The following CAPN2 variants were observed in gnomAD, a reference collection of about 807,000 sequenced individuals.
CAPN2 encodes the protein calpain 2, also known as calpain-2 catalytic subunit.
CAPN2 carries 92 observed loss-of-function variants against 102.3 expected under a neutral mutation model. The ratio of observed to expected loss-of-function variants is 0.90; its 90% CI spans 0.76 to 1.07. CAPN2 has a LOEUF of 1.07. Ranked by LOEUF, CAPN2 falls within the 50% of genes least tolerant of loss-of-function variation. CAPN2 has a pLI of 0.00. For missense variants in CAPN2, 800 were observed against 909.4 expected (o/e 0.88, Z 1.55); for synonymous variants, 340 against 355.4 (o/e 0.96, Z 0.49).
Position 223,744,108 on chromosome 1 carries a change from T to C in CAPN2, c.316T>C (p.Trp106Arg). 2 of 1,612,266 alleles carry C rather than the reference T, an allele frequency of 1.2e-6. No homozygotes were observed. Among genetic ancestry groups the C allele is most frequent in the South Asian group, 1.1e-5 (1 of 91,058 alleles). ...DICQGALGDC[W>R]LLAAIASLTL... ...TTGTGCTGTGTTCACAGGTGACTGC[T>C]GGCTGCTGGCAGCCATTGCCTCCCT... is the stretch of plus-strand genomic sequence containing the variant. Residue 106 changes from tryptophan (W) to arginine (R), a missense_variant, in exon 3 of 21, where the codon TGG (tryptophan) becomes CGG (arginine). Coordinates refer to ENST00000295006, the MANE Select transcript of CAPN2 (RefSeq NM_001748.5).
chr1:223,758,895 C>T (rs1661112594), intron 11 of CAPN2: 1 of 295,616 alleles, frequency 3.4e-6, no homozygotes, highest in South Asian at 3.4e-5. Flanking sequence ...GGTCTCACTA[C>T]ATTGCCCAGG....
In CAPN2 at chr1:223,747,004, G is replaced by A. The variant is rs541384226; in HGVS notation, c.568G>A (p.Gly190Arg). 78 of 1,613,346 alleles carry A rather than the reference G, an allele frequency of 4.8e-5. 1 individual carries two copies. The South Asian group carries it at 7.4e-4, about 15-fold the overall frequency. The change falls in exon 5 of 21, where the codon GGA becomes AGA. Residue 190 changes from glycine (G) to arginine (R), a missense_variant. Gly to Arg is a moderately radical substitution (Grantham distance 125). Coordinates refer to ENST00000295006, the MANE Select transcript of CAPN2 (RefSeq NM_001748.5). The stretch of plus-strand genomic sequence containing the variant: ...TCTAATCCCCTCTTGTAGGATCAAC[G>A]GATGCTATGAAGCGCTATCAGGGGG... ...LLEKAYAKIN[G>R]CYEALSGGAT...
chr1:223,748,924 G>A (rs1660817781), intron 5 of CAPN2, 115 bp from the exon 6 acceptor site: 4 of 914,896 alleles, frequency 4.4e-6, no homozygotes, highest in East Asian at 5.2e-5. Context: ...CCCAGGCCTC[G>A]GCCGCTGCGC....
Position 223,742,600 on chromosome 1 carries a change from G to A in CAPN2, c.308-1500G>A, listed in dbSNP as rs114826808. Among the ~76,000 whole-genome samples, 495 of 148,162 alleles carry A rather than the reference G, an allele frequency of 3.3e-3. 3 individuals carry two copies. Among genetic ancestry groups the A allele is most frequent in the African/African-American group, 0.01 (411 of 40,256 alleles). On this transcript the variant is annotated intron_variant, in intron 2 of 20. Coordinates refer to ENST00000295006, the MANE Select transcript of CAPN2 (RefSeq NM_001748.5). ...AGTGGCATGATCACATCTCACTGCAGCCTCCACCTCCTGAGCTCAAATAGT... is the reference window on the plus strand; with the variant it reads ...AGTGGCATGATCACATCTCACTGCAACCTCCACCTCCTGAGCTCAAATAGT...
chr1:223,767,461 T>G (rs1447406089), intron 16 of CAPN2, among the ~76,000 whole-genome samples: 2 of 148,326 alleles, frequency 1.3e-5, no homozygotes, highest in East Asian at 4.0e-4. Context: ...GTTCTTGCGA[T>G]AGTTTACTGA....
intron 1 of CAPN2, among the ~76,000 whole-genome samples, chr1:223,716,005 A>G (rs1299188401): frequency 6.6e-6 from 1 of 152,204 alleles, no homozygotes; most frequent in Non-Finnish European, 1.5e-5. Flanking sequence ...GAGACTTCAA[A>G]AGGTTAAGTG....
intron 6 of CAPN2, among the ~76,000 whole-genome samples, chr1:223,750,301 G>A (rs1175500695): frequency 1.3e-5 from 2 of 152,150 alleles, no homozygotes; most frequent in Non-Finnish European, 2.9e-5. Flanking sequence ...AGTTGCAGAC[G>A]TTATGACACT....
At position 223,727,538 on chromosome 1, in the gene CAPN2, C is replaced by T. The variant is rs994737097; in HGVS notation, c.307+9707C>T. 6.6e-6 allele frequency among the ~76,000 whole-genome samples: 1 copy of T among 152,136 alleles called. No individual in the cohort carries two copies. The highest frequency in any genetic ancestry group is 1.9e-4 in the East Asian group (1 of 5,188). On this transcript the variant is annotated intron_variant, in intron 2 of 20. Coordinates refer to ENST00000295006, the MANE Select transcript of CAPN2 (RefSeq NM_001748.5). This position sits in a 1 kb window ranked among gnomAD's most constrained non-coding sequence, Gnocchi z 4.1. ...GGTACTGTGGGGGTCACTGGGCACACAGAATGCCATTTGGGGAGCCTGGTG... is the reference window on the plus strand; with the variant it reads ...GGTACTGTGGGGGTCACTGGGCACATAGAATGCCATTTGGGGAGCCTGGTG...
chr1:223,715,367 G>A (rs1445966174), intron 1 of CAPN2, among the ~76,000 whole-genome samples: 1 of 152,164 alleles, frequency 6.6e-6, no homozygotes, highest in Non-Finnish European at 1.5e-5. Flanking sequence ...TTGAGAGCCT[G>A]TGTTTTTTTC....
intron 1 of CAPN2, among the ~76,000 whole-genome samples, chr1:223,707,103 G>C (rs1037469288): frequency 1.4e-5 from 2 of 146,656 alleles, no homozygotes; most frequent in Non-Finnish European, 3.0e-5. Flanking sequence ...AAAAAATCCA[G>C]AACCTGCAGA....
At chr1:223,724,724 C>T (rs1660143738) in intron 2 of CAPN2, among the ~76,000 whole-genome samples, 1 of 152,166 alleles carries the variant, frequency 6.6e-6, no homozygotes, top group Non-Finnish European at 1.5e-5. Flanking sequence ...AATCCCAACA[C>T]TTTGGGAGGC....
chr1:223,748,011 G>C (rs1434648543), intron 5 of CAPN2, among the ~76,000 whole-genome samples: 1 of 151,924 alleles, frequency 6.6e-6, no homozygotes, highest in East Asian at 1.9e-4. Context: ...AGCCTGCTCT[G>C]AATCACCCCC....
chr1:223,738,704 C>G (rs1222141), intron 2 of CAPN2, among the ~76,000 whole-genome samples: 117,989 of 152,222 alleles, frequency 0.78, 48,295 homozygotes, highest in South Asian at 0.94. Context: ...CACACTGTTG[C>G]AAACAGACAG....
rs764519949 is a variant in CAPN2, at chr1:223,755,443, C to T, written c.1136-37C>T. 1 of 1,611,044 alleles carries T rather than the reference C, an allele frequency of 6.2e-7. No homozygotes were observed. Among genetic ancestry groups the T allele is most frequent in the Non-Finnish European group, 8.5e-7 (1 of 1,178,550 alleles). ...CACCCCCCACCCCCATGCATTCCTGCTCAGGGCTGGGCTCCTCTGCCCCTT... is the reference window on the plus strand; with the variant it reads ...CACCCCCCACCCCCATGCATTCCTGTTCAGGGCTGGGCTCCTCTGCCCCTT... On this transcript the variant is annotated intron_variant, in intron 9 of 20. Transcript: ENST00000295006. The surrounding 1 kb of genome is among the most constrained non-coding windows in gnomAD (Gnocchi z 4.1).
chr1:223,743,868 T>C (rs1294240261), intron 2 of CAPN2, among the ~76,000 whole-genome samples: 1 of 152,202 alleles, frequency 6.6e-6, no homozygotes, highest in Non-Finnish European at 1.5e-5. Flanking sequence ...ATTTCTCCCT[T>C]TGCATTTCCC....
At position 223,754,288 on chromosome 1, in the gene CAPN2, G is replaced by A. The variant is rs1001905906; in HGVS notation, c.1136-1192G>A. ...TGGGGCTCGGACTCCTTCACCTCAA[G>A]TATGCAGCCACCAAGTGGCAGTCCC... is the stretch of plus-strand genomic sequence containing the variant. On this transcript the variant is annotated intron_variant, in intron 9 of 20. Coordinates refer to ENST00000295006, the MANE Select transcript of CAPN2 (RefSeq NM_001748.5). This position sits in a 1 kb window ranked among gnomAD's most constrained non-coding sequence, Gnocchi z 4.7. Among the ~76,000 whole-genome samples, 1 of 152,226 alleles carries A rather than the reference G, an allele frequency of 6.6e-6. No individual in the cohort carries two copies. The highest frequency in any genetic ancestry group is 1.5e-5 in the Non-Finnish European group (1 of 68,044).
Position 223,770,474 on chromosome 1 carries a change from A to C in CAPN2, c.1852A>C (p.Arg618=), listed in dbSNP as rs746809519. 6.2e-7 allele frequency: 1 copy of C among 1,613,850 alleles called. No homozygotes were observed. Among genetic ancestry groups the C allele is most frequent in the Non-Finnish European group, 8.5e-7 (1 of 1,179,828 alleles). Residue 618 remains arginine (R), a synonymous_variant, in exon 18 of 21, where the codon AGG becomes CGG. Coordinates refer to ENST00000295006, the MANE Select transcript of CAPN2 (RefSeq NM_001748.5). ...QKIYREIDVD[R]SGTMNSYEMR... ...AATTTACCGAGAAATCGACGTTGAC[A>C]GGTCTGGTACCATGAATTCCTATGA... is the stretch of plus-strand genomic sequence containing the variant.
Position 223,759,318 on chromosome 1 carries a change from A to T in CAPN2, c.1366A>T (p.Asn456Tyr). ...IHLSKNFFLTNRARERSDTFI... is the reference protein window; with the variant it reads ...IHLSKNFFLTYRARERSDTFI... ...CCTCAGCAAAAACTTCTTCCTGACG[A>T]ATCGCGCCAGGGAGCGCTCAGACAC... Residue 456 changes from asparagine (N) to tyrosine (Y), a missense_variant, in exon 12 of 21, where the codon AAT becomes TAT. Physicochemically the swap from Asn to Tyr is moderately radical, Grantham distance 143 (BLOSUM62 -2). Transcript: ENST00000295006. This position sits in a 1 kb window ranked among gnomAD's most constrained non-coding sequence, Gnocchi z 4.6. The T allele has an allele frequency of 6.2e-7, 1 of 1,614,234 alleles. No individual in the cohort carries two copies. Among genetic ancestry groups the T allele is most frequent in the Admixed American group, 1.7e-5 (1 of 60,034 alleles).
At chr1:223,738,664 A>G (rs1259111922) in intron 2 of CAPN2, among the ~76,000 whole-genome samples, 1 of 152,262 alleles carries the variant, frequency 6.6e-6, no homozygotes, top group East Asian at 1.9e-4. Flanking sequence ...AACAGCTGAC[A>G]GGAGCAGCCT....
Sources: gnomAD v4.1 joint callset for allele counts (sites outside exome capture counted in the v4.1 genomes callset) on GRCh38, gnomAD v4.1.1 for gene constraint, Gnocchi (gnomAD v3.1) non-coding constraint, MANE v1.5 for transcripts, NCBI Gene and HGNC (gene_info 2026-07-23, HGNC 2026-07-21) for gene names.